The following CDH18 variants were observed in gnomAD, a reference collection of about 807,000 sequenced individuals.
CDH18 encodes cadherin 18, also known as cadherin-18.
CDH18 carries 31 observed loss-of-function variants against 67.9 expected under a neutral mutation model. The ratio of observed to expected loss-of-function variants is 0.46; its 90% CI spans 0.34 to 0.62. CDH18 has a LOEUF of 0.62. Among genes scored for constraint, CDH18 ranks in the 20% least tolerant of loss-of-function variants. The probability of loss-of-function intolerance (pLI) is 0.01; values close to 1 mark genes in which losing one functional copy is unlikely to be tolerated. For synonymous variants in CDH18, 362 were observed against 347.2 expected (o/e 1.04, Z -0.48); for missense variants, 890 against 975.5 (o/e 0.91, Z 1.17).
chr5:19,608,832 C>A (rs1033003951), intron 6 of CDH18, among the ~76,000 whole-genome samples: 2 of 151,734 alleles, frequency 1.3e-5, no homozygotes, highest in African/African-American at 4.8e-5. Context: ...ATTGGAGGAT[C>A]AAGCCCTAAA....
At position 19,571,610 on chromosome 5, in the gene CDH18, G is replaced by T; in HGVS notation, c.1222C>A (p.Gln408Lys). 6.2e-7 allele frequency: 1 copy of T among 1,613,986 alleles called. No individual in the cohort carries two copies. Among genetic ancestry groups the T allele is most frequent in the Admixed American group, 1.7e-5 (1 of 60,012 alleles). The change falls in exon 8 of 13, where the codon CAA (glutamine) becomes AAA (lysine). Residue 408 changes from glutamine to lysine, a missense_variant. Transcript: ENST00000382275. ...AAGCTGTTAGTACTGTCAGGATCTT[G>T]TGCCAAAACTGTACCAACGACGGTC... ...IGTVVGTVLAQDPDSTNSLVR... is the reference protein window; with the variant it reads ...IGTVVGTVLAKDPDSTNSLVR...
intron 2 of CDH18, among the ~76,000 whole-genome samples, chr5:20,190,971 C>T (rs982914703): frequency 1.3e-5 from 2 of 152,062 alleles, no homozygotes; most frequent in African/African-American, 4.8e-5. Flanking sequence ...ATATGTCTAC[C>T]TTTGCACTTA....
At chr5:20,273,921 G>A (rs1341977185) in intron 1 of CDH18, among the ~76,000 whole-genome samples, 7 of 152,052 alleles carry the variant, frequency 4.6e-5, no homozygotes, top group East Asian at 1.9e-4. Flanking sequence ...AGGTAAATAC[G>A]ATTTTTGGAG....
chr5:19,556,485 A>C (rs912897778), intron 8 of CDH18, among the ~76,000 whole-genome samples: 2 of 152,208 alleles, frequency 1.3e-5, no homozygotes, highest in African/African-American at 4.8e-5. Flanking sequence ...AATGCACTGG[A>C]AAGTCTCAGC....
At chr5:19,797,596 G>T (rs1022399208) in intron 3 of CDH18, among the ~76,000 whole-genome samples, 6 of 151,868 alleles carry the variant, frequency 4.0e-5, no homozygotes, top group African/African-American at 1.2e-4. Context: ...ATCACTAAAA[G>T]AACTACTGCC....
intron 2 of CDH18, among the ~76,000 whole-genome samples, chr5:20,210,880 T>C (rs1324212218): frequency 6.6e-6 from 1 of 152,098 alleles, no homozygotes; most frequent in African/African-American, 2.4e-5. Context: ...TAATGACTAC[T>C]ACATTTTTAT....
intron 5 of CDH18, among the ~76,000 whole-genome samples, chr5:19,637,625 C>T (rs1753350583): frequency 6.6e-6 from 1 of 152,182 alleles, no homozygotes; most frequent in Admixed American, 6.5e-5. Flanking sequence ...CCTCTGTCGT[C>T]AATACCTAAT....
chr5:19,733,615 C>T (rs1328784375), intron 4 of CDH18, among the ~76,000 whole-genome samples: 2 of 152,108 alleles, frequency 1.3e-5, no homozygotes, highest in Non-Finnish European at 2.9e-5. Context: ...ATAACACTGG[C>T]CCTCTGACCT....
intron 9 of CDH18, among the ~76,000 whole-genome samples, chr5:19,536,662 G>C (rs1237999945): frequency 2.0e-5 from 3 of 152,136 alleles, no homozygotes; most frequent in African/African-American, 7.2e-5. Flanking sequence ...GATTCATATA[G>C]GGCAATGGTC....
At chr5:20,540,791 T>C (rs920606205) in intron 1 of CDH18, among the ~76,000 whole-genome samples, 1 of 152,328 alleles carries the variant, frequency 6.6e-6, no homozygotes, top group Non-Finnish European at 1.5e-5. Context: ...ATCAAATCAT[T>C]TGGCAAAACT....
chr5:19,949,032 G>A (rs1795536340), intron 2 of CDH18, among the ~76,000 whole-genome samples: 1 of 152,092 alleles, frequency 6.6e-6, no homozygotes, highest in Admixed American at 6.6e-5. Context: ...AGCTTCACCT[G>A]CTTTGTAATC....
chr5:19,944,782 G>T (rs1017702811), intron 2 of CDH18, among the ~76,000 whole-genome samples: 1 of 152,090 alleles, frequency 6.6e-6, no homozygotes, highest in Admixed American at 6.6e-5. Context: ...AACTACTCAA[G>T]AAATGACACA....
At chr5:20,464,387 T>C (rs1225443743) in intron 1 of CDH18, among the ~76,000 whole-genome samples, 2 of 152,184 alleles carry the variant, frequency 1.3e-5, no homozygotes, top group African/African-American at 4.8e-5. Context: ...GAAGCGGCCA[T>C]GGAACATAAA....
At chr5:20,016,682 T>C (rs1277077072) in intron 2 of CDH18, among the ~76,000 whole-genome samples, 1 of 152,130 alleles carries the variant, frequency 6.6e-6, no homozygotes, top group Non-Finnish European at 1.5e-5. Context: ...TTGTCCAATA[T>C]TTAGTGAACA....
chr5:20,506,387 T>C (rs543556156), intron 1 of CDH18, among the ~76,000 whole-genome samples: 3 of 152,336 alleles, frequency 2.0e-5, no homozygotes, highest in South Asian at 4.1e-4. Flanking sequence ...CCTTCCTGGC[T>C]CAGGACTCAA....
At chr5:20,231,754 T>C (rs1253541763) in intron 2 of CDH18, among the ~76,000 whole-genome samples, 1 of 152,162 alleles carries the variant, frequency 6.6e-6, no homozygotes, top group Admixed American at 6.5e-5. Flanking sequence ...AACAAAAAGA[T>C]GTGTTCTGAT....
At chr5:19,793,096 A>C (rs953608869) in intron 3 of CDH18, among the ~76,000 whole-genome samples, 1 of 152,064 alleles carries the variant, frequency 6.6e-6, no homozygotes, top group Non-Finnish European at 1.5e-5. Context: ...TCCTCCTTCT[A>C]CTATGACAGA....
At chr5:20,083,674 AG>A (rs1744685179) in intron 2 of CDH18, among the ~76,000 whole-genome samples, 1 of 152,176 alleles carries the variant, frequency 6.6e-6, no homozygotes, top group South Asian at 2.1e-4. Context: ...CAAAAGAAAG[AG>A]GGTTAATTGG....
chr5:20,020,020 C>T (rs1738262251), intron 2 of CDH18, among the ~76,000 whole-genome samples: 1 of 152,190 alleles, frequency 6.6e-6, no homozygotes, highest in Admixed American at 6.5e-5. Context: ...AAATATCACT[C>T]TTGCTATGTT....
Sources: allele counts gnomAD v4.1 joint callset (sites outside exome capture counted in the v4.1 genomes callset), GRCh38; gene constraint gnomAD v4.1.1; transcripts MANE v1.5; gene names NCBI Gene and HGNC (gene_info 2026-07-23, HGNC 2026-07-21).